SNTG1: variants seen among roughly 807,000 people sequenced by gnomAD.
SNTG1 encodes syntrophin gamma 1.
A neutral mutation model predicts 74.7 loss-of-function variants in SNTG1; 39 were observed. The observed-to-expected ratio is 0.52, with a 90% confidence interval of 0.40 to 0.68. SNTG1 has a LOEUF of 0.68. Ranked by LOEUF, SNTG1 falls within the 30% of genes least tolerant of loss-of-function variation. SNTG1 has a pLI of 0.00. For missense variants in SNTG1, 685 were observed against 609.5 expected (o/e 1.12, Z -1.30); for synonymous variants, 254 against 217.1 (o/e 1.17, Z -1.49).
intron 1 of SNTG1, among the ~76,000 whole-genome samples, chr8:50,163,190 A>G: frequency 6.6e-6 from 1 of 152,136 alleles, no homozygotes; most frequent in Non-Finnish European, 1.5e-5. Context: ...AACTCTCCTC[A>G]ACTCAGCCAG....
At chr8:49,932,719 AG>A (rs1340356270) in intron 1 of SNTG1, among the ~76,000 whole-genome samples, 1 of 152,168 alleles carries the variant, frequency 6.6e-6, no homozygotes, top group Non-Finnish European at 1.5e-5. Flanking sequence ...ATTTAATTTC[AG>A]AATGTTTCCA....
intron 15 of SNTG1, among the ~76,000 whole-genome samples, chr8:50,659,443 C>A (rs2095205273): frequency 6.6e-6 from 1 of 152,102 alleles, no homozygotes; most frequent in African/African-American, 2.4e-5. Flanking sequence ...TTTATGTTAG[C>A]TATTTCTCTT....
At chr8:50,511,548 C>A (rs1234256030) in intron 9 of SNTG1, among the ~76,000 whole-genome samples, 1 of 152,128 alleles carries the variant, frequency 6.6e-6, no homozygotes, top group East Asian at 1.9e-4. Context: ...GTGTGGGAGT[C>A]TAAGTCTCTT....
chr8:50,712,259 T>A (rs2095463698), intron 17 of SNTG1, among the ~76,000 whole-genome samples: 1 of 152,090 alleles, frequency 6.6e-6, no homozygotes. Context: ...GAAGAGGAGA[T>A]GAGAAATCAT....
intron 2 of SNTG1, among the ~76,000 whole-genome samples, chr8:50,287,469 G>C (rs2088848673): frequency 6.6e-6 from 1 of 152,142 alleles, no homozygotes; most frequent in African/African-American, 2.4e-5. Context: ...ACCAGGCCAG[G>C]GGACTGTCTG....
chr8:50,617,320 A>C (rs2094891438), intron 13 of SNTG1, among the ~76,000 whole-genome samples: 1 of 151,856 alleles, frequency 6.6e-6, no homozygotes, highest in Admixed American at 6.6e-5. Flanking sequence ...TGAGCAAATG[A>C]ATCTTGGCAT....
intron 2 of SNTG1, among the ~76,000 whole-genome samples, chr8:50,244,683 G>T (rs1293736898): frequency 6.6e-6 from 1 of 152,068 alleles, no homozygotes; most frequent in African/African-American, 2.4e-5. Flanking sequence ...ATTCTCATGG[G>T]CTCCAACCTG....
At chr8:50,414,710 G>A (rs746148504) in intron 4 of SNTG1, among the ~76,000 whole-genome samples, 1 of 151,914 alleles carries the variant, frequency 6.6e-6, no homozygotes, top group African/African-American at 2.4e-5. Flanking sequence ...TGACTCAAAG[G>A]AGTGTTAGAC....
At chr8:50,668,226 T>C (rs1338037542) in intron 15 of SNTG1, among the ~76,000 whole-genome samples, 1 of 151,982 alleles carries the variant, frequency 6.6e-6, no homozygotes, top group Non-Finnish European at 1.5e-5. Flanking sequence ...TTATCACATA[T>C]CCTTTTGTGA....
chr8:50,235,911 T>C (rs1490607117), intron 2 of SNTG1, among the ~76,000 whole-genome samples: 1 of 152,206 alleles, frequency 6.6e-6, no homozygotes, highest in South Asian at 2.1e-4. Flanking sequence ...TCTAGCATTA[T>C]TTAAATTTAA....
chr8:50,329,371 G>A (rs967265923), intron 2 of SNTG1, among the ~76,000 whole-genome samples: 1 of 152,058 alleles, frequency 6.6e-6, no homozygotes, highest in Non-Finnish European at 1.5e-5. Context: ...TTCCATGAGG[G>A]CTCCACCCCT....
chr8:50,561,525 G>A (rs1245066153), intron 12 of SNTG1, among the ~76,000 whole-genome samples: 1 of 152,112 alleles, frequency 6.6e-6, no homozygotes, highest in Non-Finnish European at 1.5e-5. Flanking sequence ...ACTAAATATA[G>A]ATATGGTCAC....
At chr8:50,197,990 C>A (rs1218235898) in intron 2 of SNTG1, among the ~76,000 whole-genome samples, 2 of 152,076 alleles carry the variant, frequency 1.3e-5, no homozygotes, top group Non-Finnish European at 2.9e-5. Flanking sequence ...ATTCTTAAAT[C>A]TCTCTCTTGT....
chr8:50,510,347 G>T (rs2094057581), intron 9 of SNTG1, among the ~76,000 whole-genome samples: 2 of 152,160 alleles, frequency 1.3e-5, no homozygotes, highest in African/African-American at 4.8e-5. Flanking sequence ...TTGCATCGAT[G>T]TTCATGAGGG....
At chr8:50,313,147 T>C (rs2090179233) in intron 2 of SNTG1, among the ~76,000 whole-genome samples, 1 of 149,760 alleles carries the variant, frequency 6.7e-6, no homozygotes, top group Admixed American at 6.7e-5. Context: ...TCTCACCCCA[T>C]ATACAAGAAT....
chr8:50,665,215 G>T lies in SNTG1; in HGVS notation c.1038+6552G>T, dbSNP rs140613103. On this transcript the variant is annotated intron_variant, in intron 15 of 18. Coordinates refer to ENST00000642720, the MANE Select transcript of SNTG1 (RefSeq NM_018967.5). The stretch of plus-strand genomic sequence containing the variant: ...GAGGGTATTCAGAGTGAATGCAGGT[G>T]GGAGATGGGGAAGGAGAAAGAGGGA... Among the ~76,000 whole-genome samples the T allele has an allele frequency of 1.1e-3, 170 of 152,146 alleles. 1 individual carries two copies. The highest frequency in any genetic ancestry group is 3.8e-3 in the African/African-American group (159 of 41,506).
intron 1 of SNTG1, among the ~76,000 whole-genome samples, chr8:50,104,917 C>T (rs1188430797): frequency 6.6e-6 from 1 of 152,000 alleles, no homozygotes; most frequent in Non-Finnish European, 1.5e-5. Context: ...TGATTAGTTT[C>T]CTTATAGATT....
At chr8:50,709,081 G>A (rs1042152946) in intron 17 of SNTG1, 103 bp downstream of exon 17, 12 of 867,724 alleles carry the variant, frequency 1.4e-5, no homozygotes, top group Non-Finnish European at 1.8e-5. Context: ...TTGTAATCGT[G>A]TCAAATTTAA....
chr8:50,292,606 C>G (rs1204456455), intron 2 of SNTG1, among the ~76,000 whole-genome samples: 2 of 151,986 alleles, frequency 1.3e-5, no homozygotes, highest in African/African-American at 4.8e-5. Context: ...AAGAGACAAG[C>G]AAAGGCATGT....
Sources: allele counts gnomAD v4.1 joint callset (sites outside exome capture counted in the v4.1 genomes callset), GRCh38; gene constraint gnomAD v4.1.1; transcripts MANE v1.5; gene names NCBI Gene and HGNC (gene_info 2026-07-23, HGNC 2026-07-21).